GPR19: variants seen among roughly 807,000 people sequenced by gnomAD.
GPR19 encodes the protein G protein-coupled receptor 19, also known as probable G protein-coupled receptor 19.
GPR19 carries 14 observed loss-of-function variants against 28.5 expected under a neutral mutation model. That is an observed-to-expected ratio of 0.49 (90% CI 0.32 to 0.77). GPR19 has a LOEUF of 0.77. GPR19 is among the 30% of genes least tolerant of loss of function. GPR19 has a pLI of 0.03. For missense variants in GPR19, 409 were observed against 504.1 expected (o/e 0.81, Z 1.81); for synonymous variants, 173 against 184.1 (o/e 0.94, Z 0.49).
the GPR19 span, among the ~76,000 whole-genome samples, chr12:12,706,089 G>A: frequency 6.6e-6 from 1 of 152,084 alleles, no homozygotes. Flanking sequence ...TATTCATGTG[G>A]GTACACAGCA....
At chr12:12,701,162 T>C (rs187299194), upstream of GPR19, among the ~76,000 whole-genome samples, 116 of 152,350 alleles carry the variant, frequency 7.6e-4, no homozygotes, top group African/African-American at 2.5e-3. Flanking sequence ...CCACAGAACT[T>C]AATGTTGTAA....
intron 2 of GPR19, among the ~76,000 whole-genome samples, chr12:12,692,614 A>G (rs1414923378): frequency 6.6e-6 from 1 of 152,186 alleles, no homozygotes; most frequent in Non-Finnish European, 1.5e-5. Flanking sequence ...AGAACCCCAT[A>G]CTGGTACAAT....
chr12:12,684,216 G>A (rs555367814), intron 3 of GPR19, 135 bp downstream of exon 3: 1 of 152,154 alleles, frequency 6.6e-6, no homozygotes, highest in East Asian at 1.9e-4. Flanking sequence ...ATCTTTTCTG[G>A]ACTGGTAACA....
chr12:12,695,236 CAAGATGGACTCT>C (rs1277180177), intron 2 of GPR19, among the ~76,000 whole-genome samples: 7 of 152,194 alleles, frequency 4.6e-5, no homozygotes, highest in African/African-American at 1.7e-4. Context: ...CTGCCGATAT[CAAGATGGACTCT>C]AATATCTAGT....
rs200936173 is a variant in GPR19, at chr12:12,662,173, C to T, written c.276G>A (p.Arg92=). 2.5e-6 allele frequency: 4 copies of T among 1,614,244 alleles called. No individual in the cohort carries two copies. The East Asian group carries it at 8.9e-5, about 36-fold the overall frequency. Residue 92 remains arginine, a synonymous_variant, in exon 4 of 4, where the codon AGG becomes AGA. Transcript: ENST00000651487. ...GNSLVCLVIH[R]SRRTQSTTNY... ...TGGTGGTAGACTGAGTCCTCCTACTCCTATGGATGACCAAACAAACCAGGG... is the reference window on the plus strand; with the variant it reads ...TGGTGGTAGACTGAGTCCTCCTACTTCTATGGATGACCAAACAAACCAGGG...
At position 12,661,140 on chromosome 12, in the gene GPR19, TTC is replaced by T. The variant is rs1434696897; in HGVS notation, c.*59_*60del. On this transcript the variant is annotated 3_prime_UTR_variant, in exon 4 of 4. Transcript: ENST00000651487. This position sits in a 1 kb window ranked among gnomAD's most constrained non-coding sequence, Gnocchi z 4.2. ...GAGTGAAAACAAATATGTAAATAGC[TTC>T]TGTTTTTATAGTTAAAGCTTTTTAA... 3 of 1,160,394 alleles carry T rather than the reference TTC, an allele frequency of 2.6e-6. No individual in the cohort carries two copies. Among genetic ancestry groups the T allele is most frequent in the Admixed American group, 2.6e-5 (1 of 38,274 alleles). 71.9% of individuals were successfully genotyped at this position (1,160,394 alleles called of 1,614,324 possible).
intron 3 of GPR19, among the ~76,000 whole-genome samples, chr12:12,665,441 A>G (rs1032188513): frequency 6.6e-6 from 1 of 152,188 alleles, no homozygotes; most frequent in Non-Finnish European, 1.5e-5. Context: ...GGAGTTCCTG[A>G]GTCTAGATTT....
At chr12:12,695,544 T>A (rs996045581) in intron 1 of GPR19, 33 bp from the exon 2 acceptor site, 2 of 152,210 alleles carry the variant, frequency 1.3e-5, no homozygotes, top group African/African-American at 2.4e-5. Context: ...ATTGGTCAGA[T>A]CCCTCGAGAC....
At position 12,684,388 on chromosome 12, in the gene GPR19, A is replaced by T. The variant is rs1474614306; in HGVS notation, c.-60T>A. 6.6e-6 allele frequency: 1 copy of T among 152,194 alleles called. No homozygotes were observed. 9.4% of individuals were successfully genotyped at this position (152,194 alleles called of 1,614,324 possible). A position where few individuals can be genotyped will look rare whatever the true frequency, so the allele number is the denominator to read the frequency against. Reference sequence around the variant, plus strand: ...TTGATTTCAGAGACGTTCTCTTTAGATCTTCTTGGTCAGGAATAGCCCTTG... The same window carrying T: ...TTGATTTCAGAGACGTTCTCTTTAGTTCTTCTTGGTCAGGAATAGCCCTTG... On this transcript the variant is annotated 5_prime_UTR_variant, in exon 3 of 4. Coordinates refer to ENST00000651487, the MANE Select transcript of GPR19 (RefSeq NM_006143.3).
chr12:12,717,098 C>A, the GPR19 span: 6 of 1,011,918 alleles, frequency 5.9e-6, no homozygotes, highest in Non-Finnish European at 7.1e-6. Context: ...GGTTCCCGGC[C>A]GTTTGGCTAG....
chr12:12,666,429 T>C (rs1418432000), intron 3 of GPR19, among the ~76,000 whole-genome samples: 1 of 152,132 alleles, frequency 6.6e-6, no homozygotes. Context: ...TAGATTGGAG[T>C]CTTCCAGGCA....
intron 3 of GPR19, among the ~76,000 whole-genome samples, chr12:12,678,685 A>G (rs1239059203): frequency 6.6e-6 from 1 of 152,244 alleles, no homozygotes; most frequent in East Asian, 1.9e-4. Flanking sequence ...ATAGAACAAA[A>G]TAACTTTATG....
At chr12:12,716,093 T>G in the GPR19 span, among the ~76,000 whole-genome samples, 3 of 152,186 alleles carry the variant, frequency 2.0e-5, no homozygotes, top group Non-Finnish European at 2.9e-5. Flanking sequence ...CTGAGCTTTG[T>G]CTCAGGGCAG....
chr12:12,702,668 A>G, the GPR19 span, among the ~76,000 whole-genome samples: 3 of 152,282 alleles, frequency 2.0e-5, no homozygotes, highest in Admixed American at 2.0e-4. Flanking sequence ...AGAATCACTC[A>G]AAACAAACCA....
At chr12:12,717,134 C>T in the GPR19 span, 8 of 1,022,242 alleles carry the variant, frequency 7.8e-6, no homozygotes, top group Non-Finnish European at 9.4e-6. Flanking sequence ...TTTAATTTCT[C>T]CGAGGCCAGC....
upstream of GPR19, among the ~76,000 whole-genome samples, chr12:12,698,304 A>C (rs1229646208): frequency 6.6e-6 from 1 of 152,230 alleles, no homozygotes; most frequent in African/African-American, 2.4e-5. Flanking sequence ...GACTCAGAAA[A>C]TATACTTACC....
At chr12:12,680,799 C>G (rs1788802964) in intron 3 of GPR19, among the ~76,000 whole-genome samples, 1 of 152,216 alleles carries the variant, frequency 6.6e-6, no homozygotes, top group Non-Finnish European at 1.5e-5. Flanking sequence ...AGCGATTCTC[C>G]TGCCTCAGCC....
At chr12:12,713,786 C>A in the GPR19 span, among the ~76,000 whole-genome samples, 1 of 152,340 alleles carries the variant, frequency 6.6e-6, no homozygotes, top group Non-Finnish European at 1.5e-5. Flanking sequence ...CCTGCCTCTG[C>A]CTCCCAAAGT....
chr12:12,692,447 G>A (rs11610142), intron 2 of GPR19, among the ~76,000 whole-genome samples: 3 of 151,684 alleles, frequency 2.0e-5, no homozygotes, highest in Admixed American at 6.6e-5. Flanking sequence ...TGCCCAGACC[G>A]GTCTTGAACT....
Sources: gnomAD v4.1 joint callset for allele counts (sites outside exome capture counted in the v4.1 genomes callset) on GRCh38, gnomAD v4.1.1 for gene constraint, Gnocchi (gnomAD v3.1) non-coding constraint, MANE v1.5 for transcripts, NCBI Gene and HGNC (gene_info 2026-07-23, HGNC 2026-07-21) for gene names.